AGBL4: variants seen among roughly 807,000 people sequenced by gnomAD.
AGBL4 encodes the protein cytosolic carboxypeptidase 6.
In AGBL4, 58 loss-of-function variants were observed where a neutral mutation model predicts 66.4. The observed-to-expected ratio is 0.87, with a 90% CI of 0.71 to 1.09. AGBL4 has a LOEUF of 1.09. Among genes scored for constraint, AGBL4 ranks in the 50% least tolerant of loss-of-function variants. AGBL4 has a pLI of 0.00. For synonymous variants in AGBL4, 234 were observed against 222.9 expected (o/e 1.05, Z -0.44); for missense variants, 579 against 631.0 (o/e 0.92, Z 0.88).
rs144976990 is a variant in AGBL4 at position 48,978,337 on chromosome 1, T to C, written c.594+67247A>G. ...CTGTCTTCCTGCTAGGTTCTGCCAA[T>C]AACTAAAGAGAAACTGGAAGGCAGT... On this transcript the variant is annotated intron_variant, in intron 5 of 13. Coordinates refer to ENST00000371839, the MANE Select transcript of AGBL4 (RefSeq NM_032785.4). Among the ~76,000 whole-genome samples the C allele has an allele frequency of 1.9e-3, 288 of 152,308 alleles. 2 individuals are homozygous for C. The highest frequency in any genetic ancestry group is 6.5e-3 in the African/African-American group (271 of 41,566).
At chr1:49,058,380 A>C in intron 4 of AGBL4, among the ~76,000 whole-genome samples, 1 of 152,140 alleles carries the variant, frequency 6.6e-6, no homozygotes, top group East Asian at 1.9e-4. Flanking sequence ...TGGTTTTATA[A>C]GGGGCTTTTC....
chr1:48,731,441 T>C (rs887692013), intron 6 of AGBL4, among the ~76,000 whole-genome samples: 1 of 152,114 alleles, frequency 6.6e-6, no homozygotes, highest in Non-Finnish European at 1.5e-5. Context: ...GCAATAAGGG[T>C]TAGACAAGTC....
At chr1:49,322,226 T>G (rs1645144257) in intron 3 of AGBL4, among the ~76,000 whole-genome samples, 1 of 152,120 alleles carries the variant, frequency 6.6e-6, no homozygotes, top group Non-Finnish European at 1.5e-5. Context: ...ATAGGCAAAT[T>G]CCAAAATAGT....
chr1:49,864,007 C>T (rs995286613), intron 1 of AGBL4, among the ~76,000 whole-genome samples: 6 of 152,060 alleles, frequency 3.9e-5, no homozygotes, highest in South Asian at 2.1e-4. Flanking sequence ...TGGGAAAAAC[C>T]GAAGTGTTCA....
chr1:49,907,194 C>T (rs1214539082), intron 1 of AGBL4, among the ~76,000 whole-genome samples: 1 of 151,974 alleles, frequency 6.6e-6, no homozygotes, highest in African/African-American at 2.4e-5. Flanking sequence ...TAACTAAGTG[C>T]CTAGTTGGTA....
intron 3 of AGBL4, among the ~76,000 whole-genome samples, chr1:49,563,203 T>C (rs1262029209): frequency 1.0e-5 from 1 of 98,694 alleles, no homozygotes; most frequent in Non-Finnish European, 2.1e-5. Flanking sequence ...CTTAAGGAGA[T>C]TTTGGGCTGA....
At chr1:49,100,127 T>G (rs923668137) in intron 4 of AGBL4, among the ~76,000 whole-genome samples, 1 of 152,090 alleles carries the variant, frequency 6.6e-6, no homozygotes, top group Non-Finnish European at 1.5e-5. Flanking sequence ...ACTCCTGGGT[T>G]CAAACCTGCT....
intron 4 of AGBL4, among the ~76,000 whole-genome samples, chr1:49,118,899 T>C (rs547991817): frequency 3.3e-4 from 50 of 152,348 alleles, no homozygotes; most frequent in African/African-American, 1.1e-3. Context: ...TATTCAGAGA[T>C]TCAACTTCGT....
chr1:49,196,516 T>A (rs1417187771), intron 4 of AGBL4, among the ~76,000 whole-genome samples: 1 of 152,154 alleles, frequency 6.6e-6, no homozygotes, highest in East Asian at 1.9e-4. Flanking sequence ...GAATTTCTTT[T>A]GGTTAGGATC....
intron 11 of AGBL4, among the ~76,000 whole-genome samples, chr1:48,574,041 T>A (rs1021815280): frequency 6.6e-6 from 1 of 152,228 alleles, no homozygotes; most frequent in Non-Finnish European, 1.5e-5. Context: ...CTCCAAAGAC[T>A]ATGCTTGCTT....
chr1:48,649,652 T>C (rs1249513499), intron 8 of AGBL4, among the ~76,000 whole-genome samples: 1 of 152,230 alleles, frequency 6.6e-6, no homozygotes, highest in East Asian at 1.9e-4. Context: ...GTGTACTTTC[T>C]TCAGTTCACT....
intron 2 of AGBL4, among the ~76,000 whole-genome samples, chr1:49,754,184 G>A (rs747420962): frequency 5.3e-5 from 8 of 151,872 alleles, no homozygotes; most frequent in Admixed American, 1.3e-4. Flanking sequence ...CTTTTTACAC[G>A]GGTTTTTCCT....
intron 3 of AGBL4, among the ~76,000 whole-genome samples, chr1:49,612,048 C>CA (rs1393952546): frequency 6.6e-6 from 1 of 152,140 alleles, no homozygotes; most frequent in Non-Finnish European, 1.5e-5. Context: ...AAGTGCTATG[C>CA]AAAATGAGAT....
chr1:49,857,056 G>A (rs1401437476), intron 1 of AGBL4, among the ~76,000 whole-genome samples: 1 of 149,950 alleles, frequency 6.7e-6, no homozygotes, highest in African/African-American at 2.4e-5. Flanking sequence ...TTCAACCTAT[G>A]TAAATCATAA....
At chr1:48,771,160 T>C (rs189143712) in intron 6 of AGBL4, among the ~76,000 whole-genome samples, 2 of 152,220 alleles carry the variant, frequency 1.3e-5, no homozygotes, top group African/African-American at 2.4e-5. Context: ...TATAACTCAA[T>C]ACTTGTGGAA....
chr1:49,647,899 A>T (rs913978524), intron 3 of AGBL4, among the ~76,000 whole-genome samples: 1 of 151,984 alleles, frequency 6.6e-6, no homozygotes, highest in Non-Finnish European at 1.5e-5. Context: ...GAACTACAGA[A>T]GATGTCCTCT....
intron 4 of AGBL4, among the ~76,000 whole-genome samples, chr1:49,199,536 G>A (rs1647518328): frequency 6.6e-6 from 1 of 152,148 alleles, no homozygotes; most frequent in Non-Finnish European, 1.5e-5. Context: ...ACTACTCATT[G>A]AGACAGCCTT....
intron 1 of AGBL4, among the ~76,000 whole-genome samples, chr1:49,916,996 G>A (rs144749033): frequency 6.6e-6 from 1 of 152,118 alleles, no homozygotes; most frequent in Non-Finnish European, 1.5e-5. Context: ...CTTCATAAAA[G>A]TGAAGGAGAA....
At chr1:49,392,641 G>A (rs372564984) in intron 3 of AGBL4, among the ~76,000 whole-genome samples, 174 of 151,924 alleles carry the variant, frequency 1.1e-3, no homozygotes, top group African/African-American at 3.7e-3. Context: ...GATTACTCAC[G>A]AGCCTTGTCA....
Sources: gnomAD v4.1 joint callset for allele counts (sites outside exome capture counted in the v4.1 genomes callset) on GRCh38, gnomAD v4.1.1 for gene constraint, MANE v1.5 for transcripts, NCBI Gene and HGNC (gene_info 2026-07-23, HGNC 2026-07-21) for gene names.